The following DNAJB6 variants were observed in gnomAD, a reference collection of about 807,000 sequenced individuals.
The protein encoded by DNAJB6 is dnaJ homolog subfamily B member 6.
In DNAJB6, 16 loss-of-function variants were observed where a neutral mutation model predicts 42.7. The ratio of observed to expected loss-of-function variants is 0.37; its 90% CI spans 0.25 to 0.57. The LOEUF (loss-of-function observed/expected upper bound fraction) is 0.57, where lower values mean the gene tolerates loss of function less well. Ranked by LOEUF, DNAJB6 falls within the 20% of genes least tolerant of loss-of-function variation. The pLI, the probability that DNAJB6 is intolerant of heterozygous loss-of-function variation, is 0.74. For missense variants in DNAJB6, 347 were observed against 416.8 expected, an observed-to-expected ratio of 0.83 and a Z score of 1.46; for synonymous variants, 170 against 163.5, an observed-to-expected ratio of 1.04 and a Z score of -0.30.
rs117462875 is a variant in DNAJB6 at position 157,353,422 on chromosome 7, G to A, written c.-26-5125G>A. ...GTGAATTTCTCAAAAGTAAGCAGTT[G>A]ACACCGCTACAGTATTGTTAAATGT... On this transcript the variant is annotated intron_variant, in intron 1 of 9. Transcript: ENST00000262177. 9.2e-3 allele frequency among the ~76,000 whole-genome samples: 1,401 copies of A among 152,196 alleles called. 43 individuals carry two copies. Among genetic ancestry groups the A allele is most frequent in the East Asian group, 0.042 (219 of 5,186 alleles).
Position 157,384,921 on chromosome 7 carries a change from C to A in DNAJB6, c.533C>A (p.Thr178Lys). ...GGGGGCCTCACTTCATTCTCTTCCA[C>A]GTCATTTGGTGGTAGTGGCATGGGC... Reference protein sequence around the residue: ...GHGGLTSFSSTSFGGSGMGNF... With the variant: ...GHGGLTSFSSKSFGGSGMGNF... The change falls in exon 7 of 10, where the codon ACG becomes AAG. Residue 178 changes from threonine to lysine, a missense_variant. By Grantham distance (78) the Thr-to-Lys change is moderately conservative (BLOSUM62 -1). Around this residue, in one of 3 missense-constraint regions of DNAJB6, gnomAD observed 264 missense variants for 288.0 expected, o/e 0.92. Coordinates refer to ENST00000262177, the MANE Select transcript of DNAJB6 (RefSeq NM_058246.4). 4 of 1,613,810 alleles carry A rather than the reference C, an allele frequency of 2.5e-6. No homozygotes were observed. The highest frequency in any genetic ancestry group is 3.4e-6 in the Non-Finnish European group (4 of 1,179,862).
At chr7:157,410,964 A>T (rs1033484040) in intron 9 of DNAJB6, 4 of 151,920 alleles carry the variant, frequency 2.6e-5, no homozygotes, top group Admixed American at 6.5e-5. Flanking sequence ...TCCGAGGAGG[A>T]CGGAAGGTGC....
chr7:157,385,571 A>T lies in DNAJB6; in HGVS notation c.651A>T (p.Glu217Asp), dbSNP rs2117093458. 1.9e-6 allele frequency: 3 copies of T among 1,613,944 alleles called. No homozygotes were observed. The highest frequency in any genetic ancestry group is 2.5e-6 in the Non-Finnish European group (3 of 1,179,864). Reference protein sequence around the residue: ...RIVENGQERVEVEEDGQLKSL... With the variant: ...RIVENGQERVDVEEDGQLKSL... ...TCGAGAACGGTCAAGAAAGAGTAGA[A>T]GTTGAAGAAGATGGCCAGTTAAAGT... Residue 217 changes from glutamate to aspartate, a missense_variant, in exon 8 of 10, where the codon GAA becomes GAT. Around this residue, in one of 3 missense-constraint regions of DNAJB6, gnomAD observed 264 missense variants for 288.0 expected, o/e 0.92. Transcript: ENST00000262177.
At chr7:157,373,137 A>G (rs928456844) in intron 5 of DNAJB6, among the ~76,000 whole-genome samples, 4 of 152,068 alleles carry the variant, frequency 2.6e-5, no homozygotes, top group Admixed American at 6.5e-5. Flanking sequence ...TTTCATCTTA[A>G]CTTGATAATC....
At chr7:157,341,000 G>GCGCA (rs1554450163) in intron 1 of DNAJB6, among the ~76,000 whole-genome samples, 1 of 147,538 alleles carries the variant, frequency 6.8e-6, no homozygotes, top group African/African-American at 2.6e-5. Context: ...GTGTGTGTGC[G>GCGCA]CGCGCGCAGG....
chr7:157,398,548 G>T (rs1801703913), intron 8 of DNAJB6, among the ~76,000 whole-genome samples: 1 of 152,222 alleles, frequency 6.6e-6, no homozygotes, highest in Non-Finnish European at 1.5e-5. Flanking sequence ...TGATAAGATG[G>T]CCATGCCCGC....
At chr7:157,356,936 A>C (rs1270457734) in intron 1 of DNAJB6, among the ~76,000 whole-genome samples, 3 of 152,096 alleles carry the variant, frequency 2.0e-5, no homozygotes, top group Non-Finnish European at 4.4e-5. Context: ...TGTAGTTTAT[A>C]TACATCTAAA....
intron 1 of DNAJB6, among the ~76,000 whole-genome samples, chr7:157,340,615 T>C (rs1798311821): frequency 6.6e-6 from 1 of 152,196 alleles, no homozygotes; most frequent in South Asian, 2.1e-4. Flanking sequence ...AAATCACTGT[T>C]GACCTGTTTC....
At chr7:157,374,510 C>T (rs900457074) in intron 5 of DNAJB6, among the ~76,000 whole-genome samples, 11 of 152,114 alleles carry the variant, frequency 7.2e-5, no homozygotes, top group Non-Finnish European at 1.0e-4. Context: ...CCACCCACCT[C>T]GGCCACCCAG....
chr7:157,386,649 G>A (rs1251621654), intron 8 of DNAJB6, among the ~76,000 whole-genome samples: 1 of 152,176 alleles, frequency 6.6e-6, no homozygotes, highest in East Asian at 1.9e-4. Context: ...TTGGGAGGCT[G>A]AGGCGGGTGG....
intron 1 of DNAJB6, among the ~76,000 whole-genome samples, chr7:157,342,994 T>A (rs1050618416): frequency 6.6e-6 from 1 of 151,872 alleles, no homozygotes; most frequent in Non-Finnish European, 1.5e-5. Flanking sequence ...GTTTTTGCTT[T>A]TTTTTTTTGT....
chr7:157,410,057 C>T (rs1360369223), intron 9 of DNAJB6, 56 bp downstream of exon 9: 6 of 1,477,460 alleles, frequency 4.1e-6, no homozygotes, highest in Non-Finnish European at 5.4e-6. Context: ...CTCTGGGTGC[C>T]AGAGGACAGC....
intron 1 of DNAJB6, among the ~76,000 whole-genome samples, chr7:157,350,386 G>T (rs555981469): frequency 6.6e-6 from 1 of 152,302 alleles, no homozygotes; most frequent in African/African-American, 2.4e-5. Context: ...AAGAGAAATT[G>T]AACCTGTATC....
chr7:157,391,691 G>A (rs943009014), intron 8 of DNAJB6, among the ~76,000 whole-genome samples: 8 of 152,364 alleles, frequency 5.3e-5, no homozygotes, highest in Non-Finnish European at 1.0e-4. Flanking sequence ...AAATATTGAT[G>A]TCCTTTTCCA....
rs114772460 is a variant in DNAJB6 at position 157,344,864 on chromosome 7, C to T, written c.-27+7720C>T. Among the ~76,000 whole-genome samples the T allele has an allele frequency of 3.6e-3, 553 of 152,308 alleles. 3 individuals carry two copies. The highest frequency in any genetic ancestry group is 0.012 in the African/African-American group (517 of 41,582). On this transcript the variant is annotated intron_variant, in intron 1 of 9. Coordinates refer to ENST00000262177, the MANE Select transcript of DNAJB6 (RefSeq NM_058246.4). The stretch of plus-strand genomic sequence containing the variant: ...CTGAGCTGAAGTGATCCCCCTGCCT[C>T]AGCCTGCCAAAGTGTTAGGATTACA...
chr7:157,392,361 T>G (rs78175855), intron 8 of DNAJB6, among the ~76,000 whole-genome samples: 1,655 of 143,396 alleles, frequency 0.012, 32 homozygotes, highest in Admixed American at 0.043. Flanking sequence ...GAAAGTGGGT[T>G]TTTTTTTTTT....
At position 157,404,437 on chromosome 7, in the gene DNAJB6, G is replaced by A. The variant is rs937313127; in HGVS notation, c.692-5358G>A. 3.4e-5 allele frequency among the ~76,000 whole-genome samples: 5 copies of A among 148,668 alleles called. No homozygotes were observed. The South Asian group carries it at 6.4e-4, about 19-fold the overall frequency. On this transcript the variant is annotated intron_variant, in intron 8 of 9. Coordinates refer to ENST00000262177, the MANE Select transcript of DNAJB6 (RefSeq NM_058246.4). ...CTCCAGAGCGGCTGGGACTGTAGGCGTGCAACAGCGCACTGGGCTAATTTT... is the reference window on the plus strand; with the variant it reads ...CTCCAGAGCGGCTGGGACTGTAGGCATGCAACAGCGCACTGGGCTAATTTT...
At chr7:157,356,726 A>G (rs1006135246) in intron 1 of DNAJB6, among the ~76,000 whole-genome samples, 2 of 152,252 alleles carry the variant, frequency 1.3e-5, no homozygotes, top group African/African-American at 4.8e-5. Context: ...ACAAGAAAAT[A>G]GGAACAAGTT....
At chr7:157,350,335 G>A (rs376674966) in intron 1 of DNAJB6, among the ~76,000 whole-genome samples, 1 of 152,182 alleles carries the variant, frequency 6.6e-6, no homozygotes, top group African/African-American at 2.4e-5. Flanking sequence ...AGAAAAACTT[G>A]CCAAGATAAA....
Sources: allele counts gnomAD v4.1 joint callset (sites outside exome capture counted in the v4.1 genomes callset), GRCh38; gene constraint gnomAD v4.1.1; regional missense constraint gnomAD v4.1.1; transcripts MANE v1.5; gene names NCBI Gene and HGNC (gene_info 2026-07-23, HGNC 2026-07-21).